Variants in ST18 observed in about 807,000 individuals in gnomAD.
ST18 encodes the protein ST18 C2H2C-type zinc finger transcription factor.
A neutral mutation model predicts 110.0 loss-of-function variants in ST18; 50 were observed. The ratio of observed to expected loss-of-function variants is 0.45; its 90% CI spans 0.36 to 0.58. The LOEUF (loss-of-function observed/expected upper bound fraction) is 0.58. Among genes scored for constraint, ST18 ranks in the 20% least tolerant of loss-of-function variants. The pLI is 0.00. For synonymous variants in ST18, 461 were observed against 452.4 expected (o/e 1.02, Z -0.24); for missense variants, 1,306 against 1,280.1 (o/e 1.02, Z -0.31).
Position 52,111,232 on chromosome 8 carries a change from C to A in ST18, c.*1966G>T. On this transcript the variant is annotated 3_prime_UTR_variant, in exon 26 of 26. Coordinates refer to ENST00000689386, the MANE Select transcript of ST18 (RefSeq NM_001352837.2). ...TAAATTAAATAAAATATATAACAAACTTGTTAAAATATTTAGCAAATTAAA... is the reference window on the plus strand; with the variant it reads ...TAAATTAAATAAAATATATAACAAAATTGTTAAAATATTTAGCAAATTAAA... 6 of 352,246 alleles carry A rather than the reference C, an allele frequency of 1.7e-5. No homozygotes were observed. Among genetic ancestry groups the A allele is most frequent in the Non-Finnish European group, 1.5e-5 (3 of 197,104 alleles). 21.8% of individuals were successfully genotyped at this position (352,246 alleles called of 1,614,324 possible).
intron 8 of ST18, among the ~76,000 whole-genome samples, chr8:52,200,326 G>A (rs1031155346): frequency 6.6e-6 from 1 of 152,362 alleles, no homozygotes; most frequent in East Asian, 1.9e-4. Flanking sequence ...CAAAGGCTAA[G>A]GTCAAGGAAG....
chr8:52,392,137 G>A (rs763578145), intron 2 of ST18, among the ~76,000 whole-genome samples: 1 of 152,238 alleles, frequency 6.6e-6, no homozygotes, highest in African/African-American at 2.4e-5. Context: ...TGTGTATGGA[G>A]TTGAGGGTAA....
In ST18 at chr8:52,359,285, G is replaced by A. The variant is rs192371088; in HGVS notation, c.-465+50043C>T. 2.1e-3 allele frequency among the ~76,000 whole-genome samples: 313 copies of A among 152,106 alleles called. 3 individuals are homozygous for A. The highest frequency in any genetic ancestry group is 7.3e-3 in the African/African-American group (304 of 41,526). On this transcript the variant is annotated intron_variant, in intron 2 of 25. Coordinates refer to ENST00000689386, the MANE Select transcript of ST18 (RefSeq NM_001352837.2). ...AACTAAATAGAGGTGATAGATACAC[G>A]ACACTGTGAATCTACTAAATGCCAC...
intron 2 of ST18, among the ~76,000 whole-genome samples, chr8:52,351,372 AT>A (rs1174451748): frequency 6.6e-6 from 1 of 152,144 alleles, no homozygotes; most frequent in East Asian, 1.9e-4. Context: ...CTTGTTAGCA[AT>A]TTTTTCTACA....
At chr8:52,261,168 A>G (rs17223215) in intron 2 of ST18, among the ~76,000 whole-genome samples, 2 of 152,054 alleles carry the variant, frequency 1.3e-5, no homozygotes, top group African/African-American at 4.8e-5. Context: ...GAAAACTCAC[A>G]TAAATAAATC....
chr8:52,390,628 A>C (rs1240454594), intron 2 of ST18, among the ~76,000 whole-genome samples: 1 of 152,216 alleles, frequency 6.6e-6, no homozygotes, highest in African/African-American at 2.4e-5. Flanking sequence ...TGACCTGGCA[A>C]GAAAGAGAAA....
intron 17 of ST18, among the ~76,000 whole-genome samples, chr8:52,140,947 G>T (rs1181332522): frequency 6.6e-6 from 1 of 152,134 alleles, no homozygotes; most frequent in Non-Finnish European, 1.5e-5. Context: ...GTCCATGTGG[G>T]AAAAGGTGTC....
Position 52,209,784 on chromosome 8 carries a change from A to T in ST18, c.86+2295T>A, listed in dbSNP as rs1379530069. Among the ~76,000 whole-genome samples, 1,332 of 137,862 alleles carry T rather than the reference A, an allele frequency of 9.7e-3. 15 individuals are homozygous for T. The highest frequency in any genetic ancestry group is 0.035 in the African/African-American group (1,244 of 35,944). 90.4% of individuals were successfully genotyped at this position (137,862 alleles called of 152,430 possible). ...AAACTCCATCTCAAAAAAAAAAAAA[A>T]AAAAATATATATATATATATATATA... On this transcript the variant is annotated intron_variant, in intron 8 of 25. Coordinates refer to ENST00000689386, the MANE Select transcript of ST18 (RefSeq NM_001352837.2).
chr8:52,257,754 T>A (rs937271975), intron 2 of ST18, among the ~76,000 whole-genome samples: 1 of 152,208 alleles, frequency 6.6e-6, no homozygotes, highest in Non-Finnish European at 1.5e-5. Context: ...TTCACTTTGA[T>A]GTTTTCCTTT....
At chr8:52,118,260 A>G in intron 24 of ST18, 78 bp downstream of exon 24, 1 of 943,822 alleles carries the variant, frequency 1.1e-6, no homozygotes, top group Non-Finnish European at 1.6e-6. Context: ...TTTTCACACA[A>G]GTTTTAAAAT....
At chr8:52,365,937 T>A (rs1827751324) in intron 2 of ST18, among the ~76,000 whole-genome samples, 1 of 151,692 alleles carries the variant, frequency 6.6e-6, no homozygotes, top group Non-Finnish European at 1.5e-5. Flanking sequence ...CTAACTTCAA[T>A]CAATTCTCCT....
Position 52,288,785 on chromosome 8 carries a change from C to T in ST18, c.-464-58708G>A, listed in dbSNP as rs182695455. Among the ~76,000 whole-genome samples the T allele has an allele frequency of 1.1e-3, 169 of 151,812 alleles. 2 individuals are homozygous for T. Among genetic ancestry groups the T allele is most frequent in the Admixed American group, 2.0e-3 (31 of 15,256 alleles). ...GGAGGATAAAGATTGTGGTTATTGA[C>T]CCACAAACATCAAAAAAATCATCAA... is the stretch of plus-strand genomic sequence containing the variant. On this transcript the variant is annotated intron_variant, in intron 2 of 25. Transcript: ENST00000689386.
intron 2 of ST18, among the ~76,000 whole-genome samples, chr8:52,309,952 C>T (rs757577632): frequency 2.0e-5 from 3 of 152,148 alleles, no homozygotes; most frequent in Admixed American, 6.5e-5. Flanking sequence ...TTCTATGTTA[C>T]GTGCATCATG....
At chr8:52,123,435 AG>A (rs1290515364) in intron 23 of ST18, among the ~76,000 whole-genome samples, 1 of 152,226 alleles carries the variant, frequency 6.6e-6, no homozygotes, top group Non-Finnish European at 1.5e-5. Flanking sequence ...CTTTAAGGTA[AG>A]GGATCATGAA....
chr8:52,276,413 C>A (rs1375763020), intron 2 of ST18, among the ~76,000 whole-genome samples: 8 of 151,046 alleles, frequency 5.3e-5, no homozygotes, highest in Non-Finnish European at 1.0e-4. Flanking sequence ...ACACACCACA[C>A]CCACACACCA....
chr8:52,298,898 T>G (rs2095673366), intron 2 of ST18, among the ~76,000 whole-genome samples: 1 of 152,224 alleles, frequency 6.6e-6, no homozygotes, highest in Non-Finnish European at 1.5e-5. Flanking sequence ...GAAATTCAGC[T>G]GTCAGTCTAA....
rs550893400 is a variant in ST18, at chr8:52,258,686, T to A, written c.-464-28609A>T. On this transcript the variant is annotated intron_variant, in intron 2 of 25. Transcript: ENST00000689386. ...ATGTCATCTGCAAATGGAAATACTT[T>A]TGCTACTTCCTTTCCAATCCAGATG... Among the ~76,000 whole-genome samples, 249 of 152,316 alleles carry A rather than the reference T, an allele frequency of 1.6e-3. 2 individuals are homozygous for A. The highest frequency in any genetic ancestry group is 5.7e-3 in the African/African-American group (238 of 41,588).
At chr8:52,395,371 G>C (rs918842926) in intron 2 of ST18, among the ~76,000 whole-genome samples, 1 of 152,218 alleles carries the variant, frequency 6.6e-6, no homozygotes, top group Non-Finnish European at 1.5e-5. Context: ...AGGGAGACCC[G>C]TTAGGAGTGG....
intron 17 of ST18, among the ~76,000 whole-genome samples, chr8:52,138,566 A>G (rs1270667549): frequency 2.6e-5 from 4 of 152,234 alleles, no homozygotes; most frequent in Non-Finnish European, 4.4e-5. Flanking sequence ...CCTTGGTGAC[A>G]AAGTGAGACC....
Sources: gnomAD v4.1 joint callset for allele counts (sites outside exome capture counted in the v4.1 genomes callset) on GRCh38, gnomAD v4.1.1 for gene constraint, MANE v1.5 for transcripts, NCBI Gene and HGNC (gene_info 2026-07-23, HGNC 2026-07-21) for gene names.